Variants in STON2 observed in about 807,000 individuals in gnomAD.
STON2 encodes stonin-2.
STON2 carries 29 observed loss-of-function variants against 65.7 expected under a neutral mutation model. That is an observed-to-expected ratio of 0.44 (90% CI 0.33 to 0.60). STON2 has a LOEUF of 0.60. Ranked by LOEUF, STON2 falls within the 20% of genes least tolerant of loss-of-function variation. STON2 has a pLI of 0.03. For missense variants in STON2, 1,054 were observed against 1,118.1 expected (o/e 0.94, Z 0.82); for synonymous variants, 404 against 414.2 (o/e 0.98, Z 0.30).
intron 4 of STON2, among the ~76,000 whole-genome samples, chr14:81,342,743 C>G (rs1428051844): frequency 2.0e-5 from 3 of 151,952 alleles, no homozygotes; most frequent in Admixed American, 6.6e-5. Context: ...TCCTGGAGTC[C>G]CGGGTACATG....
intron 5 of STON2, among the ~76,000 whole-genome samples, chr14:81,280,570 T>G (rs1194423840): frequency 2.0e-5 from 3 of 152,188 alleles, no homozygotes; most frequent in Non-Finnish European, 2.9e-5. Flanking sequence ...TACATCTTCA[T>G]GCATATCACA....
At chr14:81,358,702 C>T (rs1253847629) in intron 4 of STON2, among the ~76,000 whole-genome samples, 1 of 152,006 alleles carries the variant, frequency 6.6e-6, no homozygotes, top group African/African-American at 2.4e-5. Context: ...AAAAGATACT[C>T]CACACAAATG....
intron 5 of STON2, among the ~76,000 whole-genome samples, chr14:81,301,763 A>T (rs1566897330): frequency 6.6e-6 from 1 of 152,212 alleles, no homozygotes; most frequent in Non-Finnish European, 1.5e-5. Flanking sequence ...ACATGTAAAG[A>T]ACTGAGCCCA....
intron 7 of STON2, chr14:81,269,407 C>G (rs1894483719): frequency 1.0e-6 from 1 of 985,368 alleles, no homozygotes; most frequent in African/African-American, 1.7e-5. Flanking sequence ...CTGTAATTAT[C>G]AAGAAATTAA....
intron 5 of STON2, among the ~76,000 whole-genome samples, chr14:81,296,195 G>A (rs1895754397): frequency 6.6e-6 from 1 of 152,194 alleles, no homozygotes; most frequent in Admixed American, 6.5e-5. Context: ...GACATTAAAT[G>A]TATTTAATTT....
intron 4 of STON2, among the ~76,000 whole-genome samples, chr14:81,331,121 T>C (rs1897197006): frequency 6.6e-6 from 1 of 152,216 alleles, no homozygotes; most frequent in Non-Finnish European, 1.5e-5. Context: ...GCACGTGCAG[T>C]GGCATGTGTA....
At chr14:81,349,641 G>C (rs377623271) in intron 4 of STON2, among the ~76,000 whole-genome samples, 27 of 152,074 alleles carry the variant, frequency 1.8e-4, no homozygotes, top group Admixed American at 3.9e-4. Flanking sequence ...ATGTAAATTA[G>C]TACAGCCATT....
chr14:81,349,284 T>C (rs1002816107), intron 4 of STON2, among the ~76,000 whole-genome samples: 2 of 151,984 alleles, frequency 1.3e-5, no homozygotes, highest in Non-Finnish European at 2.9e-5. Flanking sequence ...AAGGAAATAA[T>C]AATAGTGCAA....
intron 4 of STON2, chr14:81,333,463 T>G: frequency 3.6e-6 from 1 of 278,214 alleles, no homozygotes; most frequent in Non-Finnish European, 6.8e-6. Flanking sequence ...TCGTTACTGT[T>G]ATGGCTCTAA....
chr14:81,282,458 A>G (rs563363385), intron 5 of STON2, among the ~76,000 whole-genome samples: 81 of 152,256 alleles, frequency 5.3e-4, no homozygotes, highest in African/African-American at 1.8e-3. Context: ...ATTAAATCCT[A>G]CCAGACAAAT....
chr14:81,429,027 A>G (rs1902116417), intron 1 of STON2, among the ~76,000 whole-genome samples: 1 of 152,220 alleles, frequency 6.6e-6, no homozygotes, highest in Non-Finnish European at 1.5e-5. Flanking sequence ...CAGCACTAAA[A>G]TGGTACCTTC....
chr14:81,384,085 T>C (rs1368752621), intron 3 of STON2, among the ~76,000 whole-genome samples: 1 of 152,062 alleles, frequency 6.6e-6, no homozygotes, highest in Non-Finnish European at 1.5e-5. Flanking sequence ...TGCTGCCCCA[T>C]TTCCCCCAGG....
intron 4 of STON2, among the ~76,000 whole-genome samples, chr14:81,327,607 G>A (rs1009386111): frequency 7.2e-5 from 11 of 151,762 alleles, no homozygotes; most frequent in African/African-American, 2.4e-4. Context: ...TATTTCCTAG[G>A]GATTGAAAAA....
chr14:81,423,320 C>A (rs1177162395), intron 2 of STON2, among the ~76,000 whole-genome samples: 1 of 152,088 alleles, frequency 6.6e-6, no homozygotes, highest in African/African-American at 2.4e-5. Flanking sequence ...TAATTTAAGC[C>A]AGAGACTCTC....
chr14:81,369,811 G>C (rs541304440), intron 4 of STON2, among the ~76,000 whole-genome samples: 1 of 152,282 alleles, frequency 6.6e-6, no homozygotes, highest in East Asian at 1.9e-4. Context: ...GTGAAGCAGG[G>C]AGGCAAGCTC....
intron 4 of STON2, among the ~76,000 whole-genome samples, chr14:81,369,804 A>T (rs1412282474): frequency 1.3e-5 from 2 of 152,124 alleles, no homozygotes; most frequent in African/African-American, 4.8e-5. Flanking sequence ...ATGAAAAGTG[A>T]AGCAGGGAGG....
At chr14:81,408,066 C>A (rs1478679467) in intron 2 of STON2, among the ~76,000 whole-genome samples, 1 of 145,416 alleles carries the variant, frequency 6.9e-6, no homozygotes, top group Non-Finnish European at 1.5e-5. Context: ...TCCCTTTCCT[C>A]TTCCACATTC....
intron 3 of STON2, among the ~76,000 whole-genome samples, chr14:81,391,475 C>T (rs907371963): frequency 3.9e-5 from 6 of 152,212 alleles, no homozygotes; most frequent in African/African-American, 1.2e-4. Context: ...CTAGTCTCTC[C>T]TGTGTAATTG....
chr14:81,263,261 A>C lies in STON2; in HGVS notation c.*5153T>G, dbSNP rs1243238023. 1.4e-6 allele frequency: 1 copy of C among 737,382 alleles called. No individual in the cohort carries two copies. Among genetic ancestry groups the C allele is most frequent in the African/African-American group, 1.9e-5 (1 of 52,130 alleles). 45.7% of individuals were successfully genotyped at this position (737,382 alleles called of 1,614,324 possible). On this transcript the variant is annotated 3_prime_UTR_variant, in exon 8 of 8. Transcript: ENST00000614646. ...CTTAAAACATTATGCTATTTTGGCC[A>C]GGCGCGGCGGCTCATGCCTGTTATC...
Sources: allele counts gnomAD v4.1 joint callset (sites outside exome capture counted in the v4.1 genomes callset), GRCh38; gene constraint gnomAD v4.1.1; transcripts MANE v1.5; gene names NCBI Gene and HGNC (gene_info 2026-07-23, HGNC 2026-07-21).